Variants in SLCO4C1 observed in about 807,000 individuals in gnomAD.
SLCO4C1 encodes the protein solute carrier organic anion transporter family member 4C1, also known as organic anion transporter M1.
A neutral mutation model predicts 72.1 loss-of-function variants in SLCO4C1; 58 were observed. That is an observed-to-expected ratio of 0.80 (90% CI 0.65 to 1.00). The LOEUF is 1.00. Among genes scored for constraint, SLCO4C1 ranks in the 50% least tolerant of loss-of-function variants. SLCO4C1 has a pLI of 0.00. For missense variants in SLCO4C1, 898 were observed against 857.9 expected (o/e 1.05, Z -0.58); for synonymous variants, 297 against 312.5 (o/e 0.95, Z 0.52).
chr5:102,296,219 G>C lies in SLCO4C1; in HGVS notation c.44C>G (p.Ser15Cys). The stretch of plus-strand genomic sequence containing the variant: ...CAAGCGGCGCAGGATGTCTGGGCTG[G>C]AGGGGACAAAAGCCAAGTTCTCAAT... Reference protein sequence around the residue: ...KGIENLAFVPSSPDILRRLSA... With the variant: ...KGIENLAFVPCSPDILRRLSA... The change falls in exon 1 of 13, where the codon TCC becomes TGC. Residue 15 changes from serine to cysteine, a missense_variant. Coordinates refer to ENST00000310954, the MANE Select transcript of SLCO4C1 (RefSeq NM_180991.5). 1 of 1,582,006 alleles carries C rather than the reference G, an allele frequency of 6.3e-7. No homozygotes were observed. The highest frequency in any genetic ancestry group is 8.6e-7 in the Non-Finnish European group (1 of 1,165,078).
At chr5:102,278,136 G>A (rs1749282936) in intron 2 of SLCO4C1, among the ~76,000 whole-genome samples, 2 of 152,048 alleles carry the variant, frequency 1.3e-5, no homozygotes, top group Admixed American at 1.3e-4. Context: ...GCAGTAATGT[G>A]GGCAGGCTGA....
intron 8 of SLCO4C1, among the ~76,000 whole-genome samples, chr5:102,249,995 C>T (rs1030922658): frequency 6.6e-6 from 1 of 152,146 alleles, no homozygotes; most frequent in Admixed American, 6.5e-5. Flanking sequence ...AGTATAGTAT[C>T]TGTCAGTAAT....
intron 2 of SLCO4C1, 44 bp downstream of exon 2, chr5:102,291,299 C>T: frequency 6.3e-7 from 1 of 1,581,482 alleles, no homozygotes; most frequent in Non-Finnish European, 8.6e-7. Flanking sequence ...TAGTTTTATC[C>T]ACTTCTTCAG....
At chr5:102,276,353 C>G (rs1015299567) in intron 2 of SLCO4C1, among the ~76,000 whole-genome samples, 6 of 152,108 alleles carry the variant, frequency 3.9e-5, no homozygotes, top group African/African-American at 1.4e-4. Flanking sequence ...AGTTATTCTC[C>G]CACCTGAAAG....
intron 2 of SLCO4C1, among the ~76,000 whole-genome samples, chr5:102,283,607 A>G (rs1487192820): frequency 6.6e-6 from 1 of 151,070 alleles, no homozygotes; most frequent in Non-Finnish European, 1.5e-5. Flanking sequence ...AAAAAAAAAG[A>G]CATTGCTTAA....
At chr5:102,263,481 A>T (rs1395953984) in intron 4 of SLCO4C1, among the ~76,000 whole-genome samples, 1 of 152,160 alleles carries the variant, frequency 6.6e-6, no homozygotes, top group Non-Finnish European at 1.5e-5. Context: ...ATATGTTATT[A>T]TAATAAAAGA....
Position 102,257,952 on chromosome 5 carries a change from T to C in SLCO4C1, c.1264A>G (p.Thr422Ala). Residue 422 changes from threonine to alanine, a missense_variant, in exon 7 of 13, where the codon ACT becomes GCT. By Grantham distance (58) the Thr-to-Ala change is moderately conservative. Transcript: ENST00000310954. ...QFGLTSSFAA[T>A]LGGAVLIPGA... is the part of the protein sequence containing the mutation. The stretch of plus-strand genomic sequence containing the variant: ...AAAGAAAATGTTTTACCTCCAAGAG[T>C]AGCTGCGAAGCTGGATGTCAATCCG... 3 of 1,602,666 alleles carry C rather than the reference T, an allele frequency of 1.9e-6. No homozygotes were observed. The highest frequency in any genetic ancestry group is 2.5e-6 in the Non-Finnish European group (3 of 1,176,764).
rs1748426528 is a variant in SLCO4C1 at position 102,235,994 on chromosome 5, T to A, written c.*864A>T. The A allele has an allele frequency of 6.6e-6, 1 of 152,218 alleles. No individual in the cohort carries two copies. Among genetic ancestry groups the A allele is most frequent in the Non-Finnish European group, 1.5e-5 (1 of 68,032 alleles). 9.4% of individuals were successfully genotyped at this position (152,218 alleles called of 1,614,324 possible). A position where few individuals can be genotyped will look rare whatever the true frequency, so the allele number is the denominator to read the frequency against. On this transcript the variant is annotated 3_prime_UTR_variant, in exon 13 of 13. Coordinates refer to ENST00000310954, the MANE Select transcript of SLCO4C1 (RefSeq NM_180991.5). Reference sequence around the variant, plus strand: ...TGTGTTAAGTGGTTGGCTTTTCAAATAGGAAAAATTAAAGGTATATAAGTA... The same window carrying A: ...TGTGTTAAGTGGTTGGCTTTTCAAAAAGGAAAAATTAAAGGTATATAAGTA...
rs1358962013 is a variant in SLCO4C1, at chr5:102,274,263, T to C, written c.620-3457A>G. Among the ~76,000 whole-genome samples the C allele has an allele frequency of 4.8e-4, 73 of 152,212 alleles. 1 individual carries two copies. Among genetic ancestry groups the C allele is most frequent in the Admixed American group, 4.8e-3 (73 of 15,290 alleles). On this transcript the variant is annotated intron_variant, in intron 2 of 12. Transcript: ENST00000310954. ...ATGTGATTTGACGATACACCACAAG[T>C]GGAAGCTCCTACGTTGTTTATAAAT...
At chr5:102,282,275 T>G (rs76220164) in intron 2 of SLCO4C1, among the ~76,000 whole-genome samples, 1,682 of 152,140 alleles carry the variant, frequency 0.011, 16 homozygotes, top group Non-Finnish European at 0.019. Context: ...TGAGAATGTT[T>G]AAAATGTAAA....
In SLCO4C1 at chr5:102,272,910, A is replaced by G. The variant is rs115990121; in HGVS notation, c.620-2104T>C. ...GGAGGAGGTTGCAGTGAGCCACTGC[A>G]CTCCAGCCTGGGCAGAAAAGCAAGA... On this transcript the variant is annotated intron_variant, in intron 2 of 12. Transcript: ENST00000310954. 9.3e-3 allele frequency among the ~76,000 whole-genome samples: 1,409 copies of G among 152,162 alleles called. 20 individuals carry two copies. Among genetic ancestry groups the G allele is most frequent in the East Asian group, 0.038 (196 of 5,174 alleles).
chr5:102,276,708 G>A (rs1330381488), intron 2 of SLCO4C1, among the ~76,000 whole-genome samples: 1 of 152,082 alleles, frequency 6.6e-6, no homozygotes, highest in Admixed American at 6.6e-5. Flanking sequence ...AACTGGAAAG[G>A]AACAACTCAA....
intron 6 of SLCO4C1, among the ~76,000 whole-genome samples, chr5:102,258,599 C>T (rs1748881273): frequency 1.3e-5 from 2 of 152,250 alleles, no homozygotes; most frequent in South Asian, 2.1e-4. Context: ...AAATAGGTGT[C>T]TATATGGCTA....
Position 102,240,802 on chromosome 5 carries a change from A to C in SLCO4C1, c.1812-20T>G. 6.3e-7 allele frequency: 1 copy of C among 1,580,436 alleles called. No homozygotes were observed. Among genetic ancestry groups the C allele is most frequent in the Non-Finnish European group, 8.7e-7 (1 of 1,153,474 alleles). On this transcript the variant is annotated intron_variant, in intron 10 of 12. Coordinates refer to ENST00000310954, the MANE Select transcript of SLCO4C1 (RefSeq NM_180991.5). ...ACACACCTGGAAATATTAAATATAT[A>C]TGAGACCAAAAAAGGTGGTATAGTA... is the stretch of plus-strand genomic sequence containing the variant.
chr5:102,294,120 G>C (rs1469008461), intron 1 of SLCO4C1, among the ~76,000 whole-genome samples: 3 of 152,120 alleles, frequency 2.0e-5, no homozygotes, highest in African/African-American at 7.2e-5. Flanking sequence ...TGTTGGCCAG[G>C]CTGGTCTCGA....
intron 2 of SLCO4C1, among the ~76,000 whole-genome samples, chr5:102,287,670 A>T (rs1270086016): frequency 2.0e-5 from 3 of 150,902 alleles, no homozygotes; most frequent in Non-Finnish European, 4.4e-5. Flanking sequence ...TCAGGCTCCC[A>T]AGTAGCTGGG....
At chr5:102,267,597 T>A (rs980026303) in intron 3 of SLCO4C1, among the ~76,000 whole-genome samples, 3 of 150,570 alleles carry the variant, frequency 2.0e-5, no homozygotes, top group Admixed American at 1.3e-4. Flanking sequence ...TTTTTTTTTT[T>A]AACTCTTGTA....
intron 2 of SLCO4C1, among the ~76,000 whole-genome samples, chr5:102,285,208 T>TACCTAC (rs1749427141): frequency 1.3e-5 from 1 of 74,260 alleles, no homozygotes; most frequent in Non-Finnish European, 2.5e-5. Context: ...TTCATATATA[T>TACCTAC]ACATACACAC....
intron 8 of SLCO4C1, among the ~76,000 whole-genome samples, chr5:102,253,644 T>C (rs1287846785): frequency 6.6e-6 from 1 of 151,990 alleles, no homozygotes; most frequent in Non-Finnish European, 1.5e-5. Context: ...CTGTCTCTAC[T>C]AAAAATACAA....
Sources: gnomAD v4.1 joint callset for allele counts (sites outside exome capture counted in the v4.1 genomes callset) on GRCh38, gnomAD v4.1.1 for gene constraint, MANE v1.5 for transcripts, NCBI Gene and HGNC (gene_info 2026-07-23, HGNC 2026-07-21) for gene names.